MARCHF1: variants seen among roughly 807,000 people sequenced by gnomAD.
MARCHF1 encodes the protein membrane associated ring-CH-type finger 1.
Under a neutral mutation model 54.2 loss-of-function variants are expected in MARCHF1, and 40 were observed. That is an observed-to-expected ratio of 0.74 (90% CI 0.57 to 0.96). The LOEUF is 0.96. Among genes scored for constraint, MARCHF1 ranks in the 40% least tolerant of loss-of-function variants. The probability of loss-of-function intolerance (pLI) is 0.00; values close to 1 mark genes in which losing one functional copy is unlikely to be tolerated. For synonymous variants in MARCHF1, 236 were observed against 236.3 expected (o/e 1.00, Z 0.01); for missense variants, 586 against 656.5 (o/e 0.89, Z 1.17).
At chr4:163,733,074 C>T (rs973437151) in intron 4 of MARCHF1, among the ~76,000 whole-genome samples, 7 of 148,578 alleles carry the variant, frequency 4.7e-5, no homozygotes, top group Admixed American at 2.7e-4. Flanking sequence ...ATCACTTGAA[C>T]CTGGGAGGCA....
At chr4:163,806,557 A>G (rs1748228858) in intron 4 of MARCHF1, among the ~76,000 whole-genome samples, 1 of 152,170 alleles carries the variant, frequency 6.6e-6, no homozygotes, top group South Asian at 2.1e-4. Flanking sequence ...AGTTAAGTAA[A>G]CCATGCTGTG....
chr4:163,534,909 G>A (rs1199899249), intron 9 of MARCHF1, among the ~76,000 whole-genome samples: 1 of 151,938 alleles, frequency 6.6e-6, no homozygotes, highest in East Asian at 1.9e-4. Flanking sequence ...ATACTCTCCA[G>A]AAACATTTTC....
At chr4:164,039,629 C>T (rs1754082359) in intron 2 of MARCHF1, among the ~76,000 whole-genome samples, 1 of 152,020 alleles carries the variant, frequency 6.6e-6, no homozygotes, top group Non-Finnish European at 1.5e-5. Flanking sequence ...ATCCATTATT[C>T]ACTAGAAAGA....
At chr4:163,947,614 A>G (rs1211529165) in intron 3 of MARCHF1, among the ~76,000 whole-genome samples, 1 of 152,220 alleles carries the variant, frequency 6.6e-6, no homozygotes, top group Admixed American at 6.5e-5. Flanking sequence ...GAGGTAAATA[A>G]ATGATTCCTA....
At chr4:163,883,237 A>ATG (rs1750456044) in intron 3 of MARCHF1, among the ~76,000 whole-genome samples, 2 of 98,116 alleles carry the variant, frequency 2.0e-5, no homozygotes, top group Admixed American at 1.6e-4. Context: ...ATATGTGTAT[A>ATG]TGTGTGTGTA....
intron 7 of MARCHF1, among the ~76,000 whole-genome samples, chr4:163,601,472 T>C (rs1740962459): frequency 6.6e-6 from 1 of 151,888 alleles, no homozygotes; most frequent in Non-Finnish European, 1.5e-5. Flanking sequence ...AGGAAGCACA[T>C]AGTTCAGTAT....
intron 1 of MARCHF1, among the ~76,000 whole-genome samples, chr4:164,201,260 G>GCAC: frequency 6.6e-6 from 1 of 152,076 alleles, no homozygotes; most frequent in African/African-American, 2.4e-5. Flanking sequence ...TCGCTCTGTT[G>GCAC]CCAGGCTGGA....
intron 2 of MARCHF1, among the ~76,000 whole-genome samples, chr4:163,995,086 C>G (rs1753048627): frequency 6.6e-6 from 1 of 151,966 alleles, no homozygotes; most frequent in South Asian, 2.1e-4. Context: ...GTTCAGGGCT[C>G]AGTCTCACCA....
chr4:163,657,615 C>T (rs1743196583), intron 5 of MARCHF1, among the ~76,000 whole-genome samples: 1 of 151,982 alleles, frequency 6.6e-6, no homozygotes, highest in Non-Finnish European at 1.5e-5. Context: ...CAATCCTAGG[C>T]AAAAAGAACA....
intron 1 of MARCHF1, among the ~76,000 whole-genome samples, chr4:164,192,120 A>G (rs1298870678): frequency 1.3e-5 from 2 of 152,190 alleles, no homozygotes; most frequent in African/African-American, 4.8e-5. Flanking sequence ...AAGAATTAAG[A>G]GCATAATTAT....
At chr4:163,551,022 C>T (rs537504766) in intron 8 of MARCHF1, among the ~76,000 whole-genome samples, 3 of 152,252 alleles carry the variant, frequency 2.0e-5, no homozygotes, top group Admixed American at 6.5e-5. Context: ...CAGAGTTGCA[C>T]GGTGACCTCC....
At chr4:163,662,130 T>C (rs1743364677) in intron 5 of MARCHF1, among the ~76,000 whole-genome samples, 1 of 152,094 alleles carries the variant, frequency 6.6e-6, no homozygotes, top group Non-Finnish European at 1.5e-5. Context: ...TTCATTTTGC[T>C]AGGTACACAG....
At chr4:164,245,208 A>C (rs913839620) in intron 1 of MARCHF1, among the ~76,000 whole-genome samples, 4 of 152,238 alleles carry the variant, frequency 2.6e-5, no homozygotes, top group African/African-American at 4.8e-5. Context: ...AAAAATCCCC[A>C]ATAAAATACT....
intron 2 of MARCHF1, among the ~76,000 whole-genome samples, chr4:163,989,286 T>A (rs28547500): frequency 0.026 from 3,807 of 145,536 alleles, 615 homozygotes; most frequent in East Asian, 0.19. Context: ...AATGAGGTGT[T>A]GAGAGAGAGA....
chr4:164,116,864 C>A (rs1755948969), intron 1 of MARCHF1, among the ~76,000 whole-genome samples: 1 of 151,938 alleles, frequency 6.6e-6, no homozygotes, highest in Non-Finnish European at 1.5e-5. Context: ...TAGAAAATTC[C>A]AAAACTAAGA....
At chr4:163,783,714 C>G (rs1327892657) in intron 4 of MARCHF1, among the ~76,000 whole-genome samples, 1 of 152,162 alleles carries the variant, frequency 6.6e-6, no homozygotes, top group East Asian at 1.9e-4. Context: ...GGTACAGGAG[C>G]AATTGGCTTT....
chr4:163,894,299 C>A (rs928115965), intron 3 of MARCHF1, among the ~76,000 whole-genome samples: 6 of 151,906 alleles, frequency 3.9e-5, no homozygotes, highest in African/African-American at 1.5e-4. Context: ...TTGCAGTGGT[C>A]TATTTACTTG....
At position 163,833,360 on chromosome 4, in the gene MARCHF1, G is replaced by T. The variant is rs577572330; in HGVS notation, c.111+20661C>A. Among the ~76,000 whole-genome samples the T allele has an allele frequency of 4.6e-5, 7 of 152,238 alleles. No individual in the cohort carries two copies. In the South Asian group the frequency reaches 1.2e-3, roughly 27 times the overall value. On this transcript the variant is annotated intron_variant, in intron 4 of 9. Transcript: ENST00000514618. ...AGCAATGGCAACAAAAGCCAAAATT[G>T]ACAAATGGGATCTAATTAAACTAAA...
chr4:163,578,108 G>A (rs1381666816), intron 8 of MARCHF1, among the ~76,000 whole-genome samples: 1 of 151,644 alleles, frequency 6.6e-6, no homozygotes, highest in Non-Finnish European at 1.5e-5. Flanking sequence ...TTGGAATATT[G>A]ACTCCATCAT....
Sources: allele counts gnomAD v4.1 joint callset (sites outside exome capture counted in the v4.1 genomes callset), GRCh38; gene constraint gnomAD v4.1.1; transcripts MANE v1.5; gene names NCBI Gene and HGNC (gene_info 2026-07-23, HGNC 2026-07-21).